OSBPL9: variants seen among roughly 807,000 people sequenced by gnomAD.
The protein encoded by OSBPL9 is oxysterol binding protein like 9.
Under a neutral mutation model 106.6 loss-of-function variants are expected in OSBPL9, and 40 were observed. That is an observed-to-expected ratio of 0.38 (90% CI 0.29 to 0.49). OSBPL9 has a LOEUF of 0.49. Ranked by LOEUF, OSBPL9 falls within the 20% of genes least tolerant of loss-of-function variation. OSBPL9 has a pLI of 0.97. For synonymous variants in OSBPL9, 269 were observed against 295.4 expected (o/e 0.91, Z 0.92); for missense variants, 609 against 887.2 (o/e 0.69, Z 3.98).
chr1:51,736,732 G>T (rs1473489893), intron 4 of OSBPL9, among the ~76,000 whole-genome samples: 1 of 152,142 alleles, frequency 6.6e-6, no homozygotes, highest in Non-Finnish European at 1.5e-5. Context: ...GTAGACTCCA[G>T]ATAGGCTTTC....
intron 3 of OSBPL9, among the ~76,000 whole-genome samples, chr1:51,689,916 C>G (rs1654610308): frequency 6.6e-6 from 1 of 152,170 alleles, no homozygotes; most frequent in Non-Finnish European, 1.5e-5. Context: ...GACCCAGGTT[C>G]ATTCTTTCTA....
intron 1 of OSBPL9, among the ~76,000 whole-genome samples, chr1:51,580,896 A>G (rs1243587622): frequency 1.6e-3 from 1 of 624 alleles, no homozygotes; most frequent in African/African-American, 1.9e-3. Context: ...TAGCCATTAT[A>G]TATATATATA....
the OSBPL9 span, among the ~76,000 whole-genome samples, chr1:51,531,762 T>C: frequency 1.3e-5 from 2 of 152,132 alleles, no homozygotes; most frequent in East Asian, 3.9e-4. Flanking sequence ...CATTAGCATA[T>C]GGAGGCATTT....
the OSBPL9 span, among the ~76,000 whole-genome samples, chr1:51,535,607 G>C: frequency 6.6e-6 from 1 of 151,660 alleles, no homozygotes; most frequent in Non-Finnish European, 1.5e-5. Context: ...GCCCAGGCTG[G>C]AGTGCATTGG....
intron 1 of OSBPL9, among the ~76,000 whole-genome samples, chr1:51,647,695 T>C (rs761373799): frequency 2.8e-4 from 42 of 152,236 alleles, no homozygotes; most frequent in Non-Finnish European, 4.6e-4. Flanking sequence ...CCTTAGAATT[T>C]TTTTGTTTTT....
chr1:51,708,268 T>TC (rs1370068885), intron 3 of OSBPL9: 1 of 150,986 alleles, frequency 6.6e-6, no homozygotes, highest in African/African-American at 2.4e-5. Flanking sequence ...CTTTTTCTTT[T>TC]TTTTTTTTTT....
intron 12 of OSBPL9, among the ~76,000 whole-genome samples, chr1:51,768,826 T>C (rs997490141): frequency 1.3e-5 from 2 of 152,218 alleles, no homozygotes; most frequent in Admixed American, 1.3e-4. Context: ...GCTCTCCCAG[T>C]ACCCTGTCCC....
chr1:51,591,983 A>G (rs973539392), intron 1 of OSBPL9, among the ~76,000 whole-genome samples: 6 of 152,010 alleles, frequency 3.9e-5, no homozygotes, highest in South Asian at 2.1e-4. Context: ...ACCCTCCTCA[A>G]TCAGTGAGCA....
At chr1:51,775,802 G>T (rs1393354371) in intron 14 of OSBPL9, among the ~76,000 whole-genome samples, 3 of 152,000 alleles carry the variant, frequency 2.0e-5, no homozygotes, top group Non-Finnish European at 4.4e-5. Flanking sequence ...GTAGAGACGG[G>T]GTTTCACTGT....
intron 22 of OSBPL9, 78 bp from the exon 23 acceptor site, chr1:51,787,275 C>A: frequency 3.5e-6 from 5 of 1,410,778 alleles, no homozygotes; most frequent in Non-Finnish European, 4.0e-6. Context: ...AGCCATTTGA[C>A]TTGTATTATA....
At chr1:51,722,550 A>C (rs185300285) in intron 4 of OSBPL9, among the ~76,000 whole-genome samples, 11 of 152,320 alleles carry the variant, frequency 7.2e-5, no homozygotes, top group African/African-American at 2.6e-4. Context: ...ACATTTCTTA[A>C]GTACCTAATA....
chr1:51,686,327 C>A (rs1653796887), intron 3 of OSBPL9, among the ~76,000 whole-genome samples: 1 of 152,166 alleles, frequency 6.6e-6, no homozygotes, highest in African/African-American at 2.4e-5. Context: ...TAGGAAGTGG[C>A]AGAGCCTGGA....
intron 1 of OSBPL9, among the ~76,000 whole-genome samples, chr1:51,636,615 G>A (rs1401877107): frequency 6.6e-6 from 1 of 151,898 alleles, no homozygotes; most frequent in South Asian, 2.1e-4. Flanking sequence ...TGGGATTGCA[G>A]GTATGACCCA....
chr1:51,668,152 C>T (rs905866141), intron 2 of OSBPL9, among the ~76,000 whole-genome samples: 4 of 152,130 alleles, frequency 2.6e-5, no homozygotes. Context: ...CAAGGGCACA[C>T]GGCTTCTCTT....
intron 3 of OSBPL9, among the ~76,000 whole-genome samples, chr1:51,704,175 CT>C (rs1657924214): frequency 6.6e-6 from 1 of 152,182 alleles, no homozygotes; most frequent in Non-Finnish European, 1.5e-5. Context: ...AGGATTCCCT[CT>C]TTTTCTATTG....
chr1:51,624,486 G>A (rs1305241958), intron 1 of OSBPL9, among the ~76,000 whole-genome samples: 3 of 152,036 alleles, frequency 2.0e-5, no homozygotes, highest in Non-Finnish European at 4.4e-5. Context: ...TACTTGGGAG[G>A]CTGAGGCAGG....
the OSBPL9 span, among the ~76,000 whole-genome samples, chr1:51,556,517 T>C: frequency 6.6e-6 from 1 of 152,006 alleles, no homozygotes; most frequent in Non-Finnish European, 1.5e-5. Context: ...GTAGTGGAGA[T>C]GGTTAATGGG....
intron 3 of OSBPL9, among the ~76,000 whole-genome samples, chr1:51,673,445 A>G (rs1031347571): frequency 6.6e-6 from 1 of 152,230 alleles, no homozygotes; most frequent in Non-Finnish European, 1.5e-5. Context: ...AAGAGAAATA[A>G]TAGCATTTCT....
Position 51,777,748 on chromosome 1 carries a change from A to T in OSBPL9, c.1256+830A>T, listed in dbSNP as rs189896551. ...ATAATTTAAGAAGTAAAATTTAAGC[A>T]TTTATTAGTAACGTGTAAGCAAAAA... On this transcript the variant is annotated intron_variant, in intron 15 of 23. Transcript: ENST00000428468. Among the ~76,000 whole-genome samples the T allele has an allele frequency of 5.0e-3, 763 of 152,312 alleles. 2 individuals carry two copies. Among genetic ancestry groups the T allele is most frequent in the Non-Finnish European group, 7.5e-3 (508 of 68,014 alleles).
Sources: gnomAD v4.1 joint callset for allele counts (sites outside exome capture counted in the v4.1 genomes callset) on GRCh38, gnomAD v4.1.1 for gene constraint, MANE v1.5 for transcripts, NCBI Gene and HGNC (gene_info 2026-07-23, HGNC 2026-07-21) for gene names.